STRN3: variants seen among roughly 807,000 people sequenced by gnomAD.
STRN3 encodes striatin-3.
Under a neutral mutation model 95.6 loss-of-function variants are expected in STRN3, and 29 were observed. The ratio of observed to expected loss-of-function variants is 0.30; its 90% CI spans 0.23 to 0.41. The LOEUF is 0.41. STRN3 is among the 10% of genes least tolerant of loss of function. The pLI is 1.00. For synonymous variants in STRN3, 331 were observed against 357.6 expected (o/e 0.93, Z 0.84); for missense variants, 890 against 972.1 (o/e 0.92, Z 1.12).
chr14:31,022,108 G>A (rs944128806), intron 1 of STRN3, among the ~76,000 whole-genome samples: 30 of 152,068 alleles, frequency 2.0e-4, no homozygotes, highest in African/African-American at 6.8e-4. Flanking sequence ...GGCCGGGCGC[G>A]GTGGTTCACG....
At chr14:30,901,863 A>G (rs1896324600) in intron 16 of STRN3, among the ~76,000 whole-genome samples, 1 of 152,158 alleles carries the variant, frequency 6.6e-6, no homozygotes, top group African/African-American at 2.4e-5. Flanking sequence ...CCACTGAGAC[A>G]TAGTTGTAAG....
chr14:30,984,603 C>A (rs1280566999), intron 1 of STRN3, among the ~76,000 whole-genome samples: 1 of 151,934 alleles, frequency 6.6e-6, no homozygotes, highest in Admixed American at 6.6e-5. Flanking sequence ...CAGGATGAAA[C>A]CTCGTATCCA....
At chr14:31,008,192 A>C (rs59477789) in intron 1 of STRN3, among the ~76,000 whole-genome samples, 569 of 22,516 alleles carry the variant, frequency 0.025, 2 homozygotes, top group African/African-American at 0.051. Flanking sequence ...CTCCGTCTCA[A>C]AAAAAAAAGA....
chr14:30,941,051 T>C (rs555969626), intron 5 of STRN3, among the ~76,000 whole-genome samples: 18 of 152,246 alleles, frequency 1.2e-4, no homozygotes, highest in South Asian at 8.3e-4. Context: ...TTTTCCACCA[T>C]GCGAAAACCC....
intron 8 of STRN3, among the ~76,000 whole-genome samples, chr14:30,928,804 T>C (rs1352382717): frequency 6.6e-6 from 1 of 152,164 alleles, no homozygotes. Context: ...TAGGTAAGGA[T>C]TCCCAAACTA....
At chr14:30,942,972 G>A (rs1879166913) in intron 5 of STRN3, among the ~76,000 whole-genome samples, 1 of 152,182 alleles carries the variant, frequency 6.6e-6, no homozygotes, top group African/African-American at 2.4e-5. Context: ...CTAGTAACTA[G>A]TGGTTAAGTT....
chr14:30,912,900 G>C (rs1233627522), intron 10 of STRN3, among the ~76,000 whole-genome samples: 1 of 150,626 alleles, frequency 6.6e-6, no homozygotes. Context: ...ATTATAAAAA[G>C]AAAAAAAAAT....
chr14:30,930,500 T>TGCTACAATTGTCATAACTTTTTCCC (rs1878477579), intron 7 of STRN3, among the ~76,000 whole-genome samples: 2 of 152,148 alleles, frequency 1.3e-5, no homozygotes, highest in African/African-American at 2.4e-5. Context: ...GAGTTTTTCC[T>TGCTACAATTGTCATAACTTTTTCCC]GCTACAATTG....
At chr14:30,902,440 C>T (rs958299031) in intron 16 of STRN3, 96 bp downstream of exon 16, 16 of 775,660 alleles carry the variant, frequency 2.1e-5, no homozygotes, top group East Asian at 3.0e-5. Context: ...TTGGCAATTT[C>T]GTATCTGAAA....
intron 1 of STRN3, among the ~76,000 whole-genome samples, chr14:30,971,234 G>C (rs1300024913): frequency 6.6e-6 from 1 of 152,214 alleles, no homozygotes; most frequent in Non-Finnish European, 1.5e-5. Context: ...AACAACTGAA[G>C]TGGCACTTGT....
intron 4 of STRN3, among the ~76,000 whole-genome samples, chr14:30,949,959 G>C (rs1879558813): frequency 6.6e-6 from 1 of 152,116 alleles, no homozygotes; most frequent in Non-Finnish European, 1.5e-5. Flanking sequence ...TAACTAGAAA[G>C]AGACAGACAT....
intron 3 of STRN3, among the ~76,000 whole-genome samples, chr14:30,952,904 TAAC>T (rs1879722755): frequency 6.6e-6 from 1 of 152,152 alleles, no homozygotes; most frequent in South Asian, 2.1e-4. Flanking sequence ...TACCAAGAAT[TAAC>T]AACTGGTAGT....
chr14:30,993,740 T>C (rs1454877306), intron 1 of STRN3, among the ~76,000 whole-genome samples: 2 of 151,262 alleles, frequency 1.3e-5, no homozygotes, highest in African/African-American at 2.5e-5. Context: ...AGTGCAATAG[T>C]GCGATCTCGG....
At chr14:30,936,256 T>C (rs1878811229) in intron 6 of STRN3, among the ~76,000 whole-genome samples, 1 of 152,168 alleles carries the variant, frequency 6.6e-6, no homozygotes, top group Non-Finnish European at 1.5e-5. Context: ...TAAAAAGGTT[T>C]CAAAATCAAT....
intron 9 of STRN3, among the ~76,000 whole-genome samples, chr14:30,916,337 C>T (rs1398693055): frequency 2.0e-5 from 3 of 150,008 alleles, no homozygotes; most frequent in East Asian, 2.0e-4. Flanking sequence ...TGCAGTGGCG[C>T]GATCTCGGCT....
At chr14:30,961,789 G>A (rs1336290493) in intron 1 of STRN3, among the ~76,000 whole-genome samples, 1 of 152,166 alleles carries the variant, frequency 6.6e-6, no homozygotes, top group Non-Finnish European at 1.5e-5. Context: ...AATTATTTTT[G>A]TAGAGAAGGG....
chr14:30,949,348 C>T (rs1265320467), intron 4 of STRN3, among the ~76,000 whole-genome samples: 1 of 152,178 alleles, frequency 6.6e-6, no homozygotes, highest in Non-Finnish European at 1.5e-5. Context: ...TGCGGTGGCT[C>T]ACACCTGTAA....
intron 9 of STRN3, among the ~76,000 whole-genome samples, chr14:30,915,284 A>C (rs1896709883): frequency 6.6e-6 from 1 of 152,188 alleles, no homozygotes; most frequent in South Asian, 2.1e-4. Context: ...TATATATACT[A>C]TGGCAAAATA....
chr14:30,933,292 A>AAC (rs1410275371), intron 7 of STRN3, among the ~76,000 whole-genome samples: 1 of 150,112 alleles, frequency 6.7e-6, no homozygotes, highest in Non-Finnish European at 1.5e-5. Context: ...AAAAAAAAAA[A>AAC]AAAAAAAAAA....
Sources: allele counts gnomAD v4.1 joint callset (sites outside exome capture counted in the v4.1 genomes callset), GRCh38; gene constraint gnomAD v4.1.1; transcripts MANE v1.5; gene names NCBI Gene and HGNC (gene_info 2026-07-23, HGNC 2026-07-21).